PRRG1: variants seen among roughly 807,000 people sequenced by gnomAD.
PRRG1 encodes the protein proline rich and Gla domain 1, also known as transmembrane gamma-carboxyglutamic acid protein 1.
Under a neutral mutation model 11.8 loss-of-function variants are expected in PRRG1, and 5 were observed. That is an observed-to-expected ratio of 0.42 (90% CI 0.22 to 0.89). PRRG1 has a LOEUF of 0.89. Ranked by LOEUF, PRRG1 falls within the 40% of genes least tolerant of loss-of-function variation. PRRG1 has a pLI of 0.28. For synonymous variants in PRRG1, 66 were observed against 60.4 expected, an observed-to-expected ratio of 1.09 and a Z score of -0.43; for missense variants, 155 against 166.1, an observed-to-expected ratio of 0.93 and a Z score of 0.37.
intron 3 of PRRG1, among the ~76,000 whole-genome samples, chrX:37,448,820 A>G (rs142993166): frequency 0.031 from 3,431 of 111,578 alleles, 131 homozygotes; most frequent in African/African-American, 0.1. Context: ...TTAAAGAGCT[A>G]GAGTCTCCCT....
At chrX:37,368,819 C>A (rs1930665262) in intron 1 of PRRG1, among the ~76,000 whole-genome samples, 1 of 109,456 alleles carries the variant, frequency 9.1e-6, no homozygotes, top group South Asian at 3.8e-4. Flanking sequence ...TCTAGCTATT[C>A]TTTTTTTTGT....
chrX:37,451,735 T>C (rs929381377), intron 3 of PRRG1, among the ~76,000 whole-genome samples: 2 of 112,325 alleles, frequency 1.8e-5, no homozygotes, highest in Non-Finnish European at 1.9e-5. Context: ...TAATGTACCT[T>C]AGAGACCTCA....
intron 1 of PRRG1, among the ~76,000 whole-genome samples, chrX:37,395,822 AATAAG>A (rs1162194335): frequency 8.9e-6 from 1 of 111,761 alleles, no homozygotes; most frequent in Non-Finnish European, 1.9e-5. Flanking sequence ...TAGTGCATCT[AATAAG>A]ATAAGTAATA....
At chrX:37,439,559 C>A (rs1932936291) in intron 3 of PRRG1, among the ~76,000 whole-genome samples, 1 of 111,420 alleles carries the variant, frequency 9.0e-6, no homozygotes, top group African/African-American at 3.3e-5. Flanking sequence ...CCCTTCCTCC[C>A]CTCCTCCTCA....
chrX:37,428,657 G>A (rs1932797151), intron 3 of PRRG1, among the ~76,000 whole-genome samples: 1 of 111,770 alleles, frequency 8.9e-6, no homozygotes, highest in Non-Finnish European at 1.9e-5. Context: ...GGCTTCTCTA[G>A]GCACACGGTG....
At chrX:37,383,660 G>T (rs1556374312) in intron 1 of PRRG1, among the ~76,000 whole-genome samples, 1 of 111,349 alleles carries the variant, frequency 9.0e-6, no homozygotes, top group African/African-American at 3.3e-5. Context: ...AAAAATGTGA[G>T]AACCTATTTC....
intron 1 of PRRG1, among the ~76,000 whole-genome samples, chrX:37,380,378 A>G (rs1451099942): frequency 8.9e-6 from 1 of 111,991 alleles, no homozygotes; most frequent in Non-Finnish European, 1.9e-5. Flanking sequence ...ATAATTTTCC[A>G]TTCTTGGTTC....
chrX:37,350,653 A>G (rs1930030276), intron 1 of PRRG1, among the ~76,000 whole-genome samples: 1 of 112,086 alleles, frequency 8.9e-6, no homozygotes, highest in African/African-American at 3.3e-5. Flanking sequence ...GTTCCCAAGC[A>G]TAGATGTTGA....
chrX:37,410,243 T>C (rs1224661987), intron 2 of PRRG1, among the ~76,000 whole-genome samples: 1 of 112,057 alleles, frequency 8.9e-6, no homozygotes, highest in Non-Finnish European at 1.9e-5. Flanking sequence ...TATCTTGAGT[T>C]GTAAGACAAC....
At chrX:37,367,422 G>A (rs1930609948) in intron 1 of PRRG1, among the ~76,000 whole-genome samples, 1 of 111,603 alleles carries the variant, frequency 9.0e-6, no homozygotes, top group Non-Finnish European at 1.9e-5. Context: ...GGGTTTTCCT[G>A]GTTTTCATGT....
chrX:37,431,611 T>C (rs1556390191), intron 3 of PRRG1, among the ~76,000 whole-genome samples: 1 of 112,122 alleles, frequency 8.9e-6, no homozygotes, highest in African/African-American at 3.2e-5. Context: ...TATTTTACTA[T>C]TGAGCTTTGA....
At chrX:37,446,636 G>A (rs1933080940) in intron 3 of PRRG1, among the ~76,000 whole-genome samples, 1 of 111,537 alleles carries the variant, frequency 9.0e-6, no homozygotes, top group African/African-American at 3.3e-5. Flanking sequence ...CGTTTTGTGT[G>A]TTACTATAAC....
intron 1 of PRRG1, among the ~76,000 whole-genome samples, chrX:37,390,603 C>T (rs1173743507): frequency 2.7e-5 from 3 of 111,945 alleles, no homozygotes; most frequent in Non-Finnish European, 5.6e-5. Flanking sequence ...CTAGTGCTTG[C>T]CACTCCTTTC....
chrX:37,399,950 C>T (rs1283159504), intron 1 of PRRG1, among the ~76,000 whole-genome samples: 2 of 111,447 alleles, frequency 1.8e-5, no homozygotes, highest in Non-Finnish European at 3.8e-5. Flanking sequence ...AATATATATG[C>T]ACCCAATACA....
chrX:37,378,145 G>A (rs1057499489), intron 1 of PRRG1, among the ~76,000 whole-genome samples: 4 of 112,022 alleles, frequency 3.6e-5, no homozygotes, highest in East Asian at 2.8e-4. Context: ...TTTTCCAGAC[G>A]ATTCTGAAAG....
intron 2 of PRRG1, among the ~76,000 whole-genome samples, chrX:37,409,857 CAAA>C (rs782275942): frequency 9.0e-6 from 1 of 111,574 alleles, no homozygotes; most frequent in Non-Finnish European, 1.9e-5. Context: ...TGCATGAAAA[CAAA>C]AAACACACTT....
intron 3 of PRRG1, among the ~76,000 whole-genome samples, chrX:37,449,025 G>A (rs567291296): frequency 8.9e-6 from 1 of 111,747 alleles, no homozygotes; most frequent in African/African-American, 3.3e-5. Flanking sequence ...ACCCAAAGAT[G>A]TTCAGTGACT....
At chrX:37,378,060 A>G (rs17147157) in intron 1 of PRRG1, among the ~76,000 whole-genome samples, 10,711 of 111,925 alleles carry the variant, frequency 0.096, 1,234 homozygotes, top group African/African-American at 0.33. Context: ...ATTTTAGACC[A>G]GAATAGCAAG....
intron 1 of PRRG1, among the ~76,000 whole-genome samples, chrX:37,357,159 A>G (rs1362848347): frequency 9.0e-6 from 1 of 111,470 alleles, no homozygotes; most frequent in Non-Finnish European, 1.9e-5. Flanking sequence ...TTGGAATTAT[A>G]AAGTATGCGG....
Sources: gnomAD v4.1 joint callset for allele counts (sites outside exome capture counted in the v4.1 genomes callset) on GRCh38, gnomAD v4.1.1 for gene constraint, MANE v1.5 for transcripts, NCBI Gene and HGNC (gene_info 2026-07-23, HGNC 2026-07-21) for gene names.